PIK3R3: variants seen among roughly 807,000 people sequenced by gnomAD.
PIK3R3 encodes phosphatidylinositol 3-kinase regulatory subunit gamma.
PIK3R3 carries 64 observed loss-of-function variants against 62.9 expected under a neutral mutation model. That is an observed-to-expected ratio of 1.02 (90% CI 0.83 to 1.25). The LOEUF is 1.25. Among genes scored for constraint, PIK3R3 ranks in the 50% most tolerant of loss-of-function variants. PIK3R3 has a pLI of 0.00. For missense variants in PIK3R3, 614 were observed against 561.6 expected (o/e 1.09, Z -0.94); for synonymous variants, 165 against 189.0 (o/e 0.87, Z 1.04).
chr1:46,124,420 A>C (rs917218181), intron 1 of PIK3R3, among the ~76,000 whole-genome samples: 1 of 152,202 alleles, frequency 6.6e-6, no homozygotes, highest in African/African-American at 2.4e-5. Context: ...ACATAGATAC[A>C]TTTATATTTT....
chr1:46,116,547 A>G (rs538717070), intron 1 of PIK3R3, among the ~76,000 whole-genome samples: 59 of 151,922 alleles, frequency 3.9e-4, no homozygotes, highest in African/African-American at 1.4e-3. Context: ...TTGCAGTCCC[A>G]GCTACTCGGG....
chr1:46,097,907 AG>A (rs1360236424), intron 1 of PIK3R3, among the ~76,000 whole-genome samples: 4 of 151,780 alleles, frequency 2.6e-5, no homozygotes, highest in African/African-American at 4.8e-5. Context: ...AAAAAAAAAA[AG>A]ATTCTAGCCA....
intron 1 of PIK3R3, among the ~76,000 whole-genome samples, chr1:46,086,278 T>C (rs902923874): frequency 6.6e-6 from 1 of 152,112 alleles, no homozygotes; most frequent in African/African-American, 2.4e-5. Flanking sequence ...ATTGTATATG[T>C]TTTCTTTATA....
intron 5 of PIK3R3, among the ~76,000 whole-genome samples, chr1:46,063,770 T>A (rs1275841561): frequency 6.6e-6 from 1 of 152,214 alleles, no homozygotes; most frequent in African/African-American, 2.4e-5. Flanking sequence ...CTTCACTCTA[T>A]CGTATCAGCT....
At chr1:46,061,209 A>C (rs1307017864) in intron 6 of PIK3R3, among the ~76,000 whole-genome samples, 1 of 152,222 alleles carries the variant, frequency 6.6e-6, no homozygotes, top group Non-Finnish European at 1.5e-5. Flanking sequence ...GGTGAAAAAC[A>C]CCATCTTCCA....
rs1197050067 is a variant in PIK3R3, at chr1:46,045,000, ACAAT to A, written c.1187+914_1187+917del. The stretch of plus-strand genomic sequence containing the variant: ...CTTCTCCACCTTGCCCTCTAAGGGC[ACAAT>A]CATTTTGTCACTTTGTTTGACTTCT... On this transcript the variant is annotated intron_variant, in intron 9 of 9. Coordinates refer to ENST00000262741, the MANE Select transcript of PIK3R3 (RefSeq NM_003629.4). The surrounding 1 kb of genome is among the most constrained non-coding windows in gnomAD (Gnocchi z 4.2). Among the ~76,000 whole-genome samples, 1 of 152,264 alleles carries A rather than the reference ACAAT, an allele frequency of 6.6e-6. No individual in the cohort carries two copies. Among genetic ancestry groups the A allele is most frequent in the Non-Finnish European group, 1.5e-5 (1 of 68,044 alleles).
intron 6 of PIK3R3, among the ~76,000 whole-genome samples, chr1:46,060,194 T>C (rs1444368581): frequency 6.7e-6 from 1 of 149,414 alleles, no homozygotes; most frequent in Non-Finnish European, 1.5e-5. Flanking sequence ...TCGTTAATAA[T>C]AATTATAATT....
intron 1 of PIK3R3, among the ~76,000 whole-genome samples, chr1:46,102,431 A>T (rs377376557): frequency 6.6e-6 from 1 of 152,192 alleles, no homozygotes; most frequent in Admixed American, 6.6e-5. Flanking sequence ...TATTTCATAT[A>T]TATCAGCAAA....
At chr1:46,068,919 C>T (rs777887244) in intron 3 of PIK3R3, among the ~76,000 whole-genome samples, 1 of 152,162 alleles carries the variant, frequency 6.6e-6, no homozygotes, top group Non-Finnish European at 1.5e-5. Context: ...AAAAGATTCA[C>T]TCTAGCTGCT....
chr1:46,131,545 AG>A (rs1220684202), intron 1 of PIK3R3, among the ~76,000 whole-genome samples: 1 of 152,206 alleles, frequency 6.6e-6, no homozygotes, highest in Non-Finnish European at 1.5e-5. Context: ...GGCGGGCACA[AG>A]AAAAACCTGA....
chr1:46,071,423 C>T lies in PIK3R3; in HGVS notation c.315-4332G>A, dbSNP rs140713702. Among the ~76,000 whole-genome samples the T allele has an allele frequency of 8.9e-3, 1,355 of 151,890 alleles. 10 individuals carry two copies. Among genetic ancestry groups the T allele is most frequent in the Non-Finnish European group, 0.014 (971 of 67,970 alleles). On this transcript the variant is annotated intron_variant, in intron 3 of 9. Transcript: ENST00000262741. ...AGCTAGAAGTCAACATCTATCCCCGCGGTAGCTCACGCCTATAATCCCAGC... is the reference window on the plus strand; with the variant it reads ...AGCTAGAAGTCAACATCTATCCCCGTGGTAGCTCACGCCTATAATCCCAGC...
intron 1 of PIK3R3, among the ~76,000 whole-genome samples, chr1:46,112,584 C>T (rs1053046011): frequency 6.6e-6 from 1 of 152,154 alleles, no homozygotes. Flanking sequence ...AATTTATACA[C>T]TTGCTTTCAA....
chr1:46,122,061 A>G (rs1654724410), intron 1 of PIK3R3, among the ~76,000 whole-genome samples: 1 of 152,038 alleles, frequency 6.6e-6, no homozygotes, highest in Non-Finnish European at 1.5e-5. Context: ...TGGGCAACAG[A>G]GCGAGACTCC....
chr1:46,054,494 C>T (rs890620276), intron 7 of PIK3R3, among the ~76,000 whole-genome samples: 2 of 151,900 alleles, frequency 1.3e-5, no homozygotes, highest in Non-Finnish European at 2.9e-5. Context: ...TCATCCTCTC[C>T]CTCTTTCTCA....
At chr1:46,152,728 A>G in the PIK3R3 span, among the ~76,000 whole-genome samples, 1 of 151,856 alleles carries the variant, frequency 6.6e-6, no homozygotes, top group Admixed American at 6.6e-5. Flanking sequence ...ACGCCTGGCT[A>G]ATTTTTTTGG....
At chr1:46,116,513 T>C (rs1654201840) in intron 1 of PIK3R3, among the ~76,000 whole-genome samples, 1 of 151,860 alleles carries the variant, frequency 6.6e-6, no homozygotes, top group Non-Finnish European at 1.5e-5. Flanking sequence ...GTTAAAGCCT[T>C]ATCTCTTTTT....
rs1648483745 is a variant in PIK3R3 at position 46,061,550 on chromosome 1, CACCATGCCT to C, written c.764+370_764+378del. 2.6e-5 allele frequency among the ~76,000 whole-genome samples: 4 copies of C among 152,286 alleles called. No homozygotes were observed. The South Asian group carries it at 8.3e-4, about 32-fold the overall frequency. ...ACTAGGGCTACCAGGGAAAATAAGCCACCATGCCTACTCTCAATGAGTTTACAGTTGAGT... is the reference window on the plus strand; with the variant it reads ...ACTAGGGCTACCAGGGAAAATAAGCCACTCTCAATGAGTTTACAGTTGAGT... On this transcript the variant is annotated intron_variant, in intron 6 of 9. Transcript: ENST00000262741.
At chr1:46,104,203 C>T (rs943908835) in intron 1 of PIK3R3, among the ~76,000 whole-genome samples, 1 of 152,154 alleles carries the variant, frequency 6.6e-6, no homozygotes, top group Non-Finnish European at 1.5e-5. Flanking sequence ...GTTGAGATTA[C>T]AGGCGTGAGC....
intron 3 of PIK3R3, among the ~76,000 whole-genome samples, chr1:46,073,159 G>A (rs548325767): frequency 1.7e-4 from 26 of 152,218 alleles, no homozygotes; most frequent in African/African-American, 6.0e-4. Context: ...ATTAGTCAAT[G>A]CCACAGGTCT....
Sources: gnomAD v4.1 joint callset for allele counts (sites outside exome capture counted in the v4.1 genomes callset) on GRCh38, gnomAD v4.1.1 for gene constraint, Gnocchi (gnomAD v3.1) non-coding constraint, MANE v1.5 for transcripts, NCBI Gene and HGNC (gene_info 2026-07-23, HGNC 2026-07-21) for gene names.